The following EWSR1 variants were observed in gnomAD, a reference collection of about 807,000 sequenced individuals.
EWSR1 encodes the protein EWS RNA binding protein 1, also known as RNA-binding protein EWS.
A neutral mutation model predicts 92.1 loss-of-function variants in EWSR1; 14 were observed. That is an observed-to-expected ratio of 0.15 (90% CI 0.10 to 0.24). The LOEUF is 0.24. EWSR1 is among the 10% of genes least tolerant of loss of function. EWSR1 has a pLI of 1.00. For synonymous variants in EWSR1, 303 were observed against 292.9 expected (o/e 1.03, Z -0.35); for missense variants, 637 against 870.9 (o/e 0.73, Z 3.38).
chr22:29,292,523 A>C lies in EWSR1; in HGVS notation c.1081A>C (p.Ser361Arg). 6.2e-7 allele frequency: 1 copy of C among 1,613,910 alleles called. No homozygotes were observed. The highest frequency in any genetic ancestry group is 8.5e-7 in the Non-Finnish European group (1 of 1,179,872). ...PVDPDEDSDN[S>R]AIYVQGLNDS... ...AGATCCAGATGAAGACTCTGACAAC[A>C]GTGCAATTTATGTACAAGGATTAAA... The change falls in exon 11 of 17, where the codon AGT (serine) becomes CGT (arginine). Residue 361 changes from serine to arginine, a missense_variant. By Grantham distance (110) the Ser-to-Arg change is moderately radical. Coordinates refer to ENST00000397938, the MANE Select transcript of EWSR1 (RefSeq NM_005243.4).
At chr22:29,282,849 A>C (rs1421183188) in intron 6 of EWSR1, among the ~76,000 whole-genome samples, 5 of 139,200 alleles carry the variant, frequency 3.6e-5, no homozygotes, top group Admixed American at 1.6e-4. Context: ...TGCAAGCTCC[A>C]CCTCCTGGGT....
chr22:29,291,222 T>C (rs944739774), intron 8 of EWSR1: 2 of 303,292 alleles, frequency 6.6e-6, no homozygotes, highest in Non-Finnish European at 1.2e-5. Flanking sequence ...CCCCACTTGC[T>C]CCTCCCCTCT....
intron 1 of EWSR1, among the ~76,000 whole-genome samples, chr22:29,269,973 TG>T (rs1214526761): frequency 2.0e-5 from 3 of 152,172 alleles, no homozygotes; most frequent in Admixed American, 6.5e-5. Context: ...TAGGCCTGGC[TG>T]GGGGGGCCTT....
chr22:29,272,491 G>T, intron 3 of EWSR1, 60 bp downstream of exon 3: 1 of 1,502,600 alleles, frequency 6.7e-7, no homozygotes, highest in South Asian at 1.1e-5. Context: ...ATATTATCCA[G>T]TTATCTTTCA....
chr22:29,280,679 T>G (rs1602306501), intron 5 of EWSR1, among the ~76,000 whole-genome samples: 2 of 151,322 alleles, frequency 1.3e-5, no homozygotes, highest in African/African-American at 2.4e-5. Context: ...GGTTGGTTTT[T>G]TTTTTTTTTT....
chr22:29,269,766 G>A (rs2058506195), intron 1 of EWSR1: 2 of 152,220 alleles, frequency 1.3e-5, no homozygotes, highest in South Asian at 4.1e-4. Flanking sequence ...GTGGGAAGTG[G>A]TTTCCTAGGT....
intron 4 of EWSR1, chr22:29,274,280 C>T: frequency 6.2e-7 from 1 of 1,613,826 alleles, no homozygotes; most frequent in Non-Finnish European, 8.5e-7. Context: ...GGGACCAGTA[C>T]AGGTTTGACT....
Position 29,298,838 on chromosome 22 carries a change from A to G in EWSR1, c.1523A>G (p.Asn508Ser), listed in dbSNP as rs1471757949. 2 of 1,590,252 alleles carry G rather than the reference A, an allele frequency of 1.3e-6. No homozygotes were observed. Among genetic ancestry groups the G allele is most frequent in the Admixed American group, 3.8e-5 (2 of 53,290 alleles). Residue 508 changes from asparagine (N) to serine (S), a missense_variant, in exon 14 of 17, where the codon AAC becomes AGC. Around this residue, in one of 5 missense-constraint regions of EWSR1, gnomAD observed 363 missense variants for 447.8 expected, o/e 0.81. Coordinates refer to ENST00000397938, the MANE Select transcript of EWSR1 (RefSeq NM_005243.4). Reference protein sequence around the residue: ...PPRGPRGSRGNPSGGGNVQHR... With the variant: ...PPRGPRGSRGSPSGGGNVQHR... ...AGAGGACCCCGGGGTTCCCGAGGGA[A>G]CCCCTCTGGAGGAGGAAACGTCCAG...
At chr22:29,285,130 T>TTGTTTTTTTTTG (rs1253588526) in intron 6 of EWSR1, among the ~76,000 whole-genome samples, 7 of 146,956 alleles carry the variant, frequency 4.8e-5, no homozygotes, top group African/African-American at 1.8e-4. Context: ...TTGTTTTTTT[T>TTGTTTTTTTTTG]TTTTTTTTTT....
In EWSR1 at chr22:29,268,275, G is replaced by A; in HGVS notation, c.-62G>A. The A allele has an allele frequency of 6.3e-7, 1 of 1,597,688 alleles. No individual in the cohort carries two copies. Among genetic ancestry groups the A allele is most frequent in the Non-Finnish European group, 8.6e-7 (1 of 1,165,188 alleles). On this transcript the variant is annotated 5_prime_UTR_variant, in exon 1 of 17. Coordinates refer to ENST00000397938, the MANE Select transcript of EWSR1 (RefSeq NM_005243.4). ...TGCGAGATTTGCGCCTGCGCAGTGC[G>A]GCGCCTAGAGGGAAAGCGAGAGGGA...
At chr22:29,274,295 T>C (rs768387164) in intron 4 of EWSR1, 16 of 1,613,638 alleles carry the variant, frequency 9.9e-6, no homozygotes, top group Non-Finnish European at 1.4e-5. Context: ...TTGACTATCC[T>C]GCTCATTCTT....
chr22:29,297,065 TAAC>T (rs1332600851), intron 12 of EWSR1, among the ~76,000 whole-genome samples: 1 of 152,168 alleles, frequency 6.6e-6, no homozygotes, highest in Non-Finnish European at 1.5e-5. Context: ...AAGTGTCAAA[TAAC>T]AAGTCCTGGT....
At position 29,296,260 on chromosome 22, in the gene EWSR1, C is replaced by G; in HGVS notation, c.1186C>G (p.Pro396Ala). The G allele has an allele frequency of 6.2e-7, 1 of 1,614,124 alleles. No homozygotes were observed. The highest frequency in any genetic ancestry group is 8.5e-7 in the Non-Finnish European group (1 of 1,180,008). Reference sequence around the variant, plus strand: ...CTAGATGAACAAGAGAACTGGGCAACCCATGATCCACATCTACCTGGACAA... The same window carrying G: ...CTAGATGAACAAGAGAACTGGGCAAGCCATGATCCACATCTACCTGGACAA... Reference protein sequence around the residue: ...VVKMNKRTGQPMIHIYLDKET... With the variant: ...VVKMNKRTGQAMIHIYLDKET... Residue 396 changes from proline to alanine, a missense_variant, in exon 12 of 17, where the codon CCC becomes GCC. This residue lies in a region of EWSR1 where 363 missense variants were observed against 447.8 expected (regional missense o/e 0.81). Transcript: ENST00000397938.
chr22:29,274,478 G>T (rs899426850), intron 4 of EWSR1: 1 of 541,058 alleles, frequency 1.8e-6, no homozygotes, highest in Non-Finnish European at 3.3e-6. Context: ...TTTGGGAAAG[G>T]TTTTTTTATT....
At chr22:29,284,248 G>A (rs1235040669) in intron 6 of EWSR1, among the ~76,000 whole-genome samples, 2 of 151,442 alleles carry the variant, frequency 1.3e-5, no homozygotes, top group Non-Finnish European at 2.9e-5. Flanking sequence ...GGGATTATGG[G>A]ATTACAGGTG....
At chr22:29,274,915 ACT>A (rs2058983025) in intron 4 of EWSR1, among the ~76,000 whole-genome samples, 1 of 152,164 alleles carries the variant, frequency 6.6e-6, no homozygotes, top group African/African-American at 2.4e-5. Flanking sequence ...GTTATAAAAG[ACT>A]CTAATAAAGT....
At chr22:29,280,860 TTG>T (rs2059523981) in intron 5 of EWSR1, among the ~76,000 whole-genome samples, 11 of 108,108 alleles carry the variant, frequency 1.0e-4, no homozygotes, top group African/African-American at 3.5e-4. Context: ...TGTGTGTGTG[TTG>T]TTTTTTTTTT....
At chr22:29,270,313 A>G (rs975658374) in intron 1 of EWSR1, among the ~76,000 whole-genome samples, 2 of 152,254 alleles carry the variant, frequency 1.3e-5, no homozygotes, top group African/African-American at 2.4e-5. Flanking sequence ...GCAGCAATCT[A>G]GAACCCCCAG....
intron 1 of EWSR1, among the ~76,000 whole-genome samples, chr22:29,271,054 C>G (rs533209110): frequency 6.0e-4 from 91 of 152,200 alleles, no homozygotes; most frequent in Non-Finnish European, 1.2e-3. Context: ...TCTCTCAGGC[C>G]GCCGAGGGAT....
Sources: allele counts gnomAD v4.1 joint callset (sites outside exome capture counted in the v4.1 genomes callset), GRCh38; gene constraint gnomAD v4.1.1; regional missense constraint gnomAD v4.1.1; transcripts MANE v1.5; gene names NCBI Gene and HGNC (gene_info 2026-07-23, HGNC 2026-07-21).